The following CNTNAP2 variants were observed in gnomAD, a reference collection of about 807,000 sequenced individuals.
CNTNAP2 encodes the protein contactin associated protein 2, also known as contactin-associated protein-like 2.
Under a neutral mutation model 155.2 loss-of-function variants are expected in CNTNAP2, and 98 were observed. The observed-to-expected ratio is 0.63, with a 90% confidence interval of 0.54 to 0.75. The LOEUF is 0.75. Ranked by LOEUF, CNTNAP2 falls within the 30% of genes least tolerant of loss-of-function variation. The probability of loss-of-function intolerance (pLI) is 0.00; values close to 1 mark genes in which losing one functional copy is unlikely to be tolerated. For synonymous variants in CNTNAP2, 651 were observed against 631.2 expected (o/e 1.03, Z -0.47); for missense variants, 1,727 against 1,688.1 (o/e 1.02, Z -0.40).
At position 146,192,072 on chromosome 7, in the gene CNTNAP2, G is replaced by GT. The variant is rs995851910; in HGVS notation, c.97+75100dup. On this transcript the variant is annotated intron_variant, in intron 1 of 23. Transcript: ENST00000361727. Reference sequence around the variant, plus strand: ...GTTCAGAGATTGCAGAAAGACAGGTGTAAGAAATTATAAAAGTATTAATTT... The same window carrying GT: ...GTTCAGAGATTGCAGAAAGACAGGTGTTAAGAAATTATAAAAGTATTAATTT... Among the ~76,000 whole-genome samples the GT allele has an allele frequency of 5.1e-4, 77 of 152,156 alleles. 2 individuals are homozygous for GT. Among genetic ancestry groups the GT allele is most frequent in the Non-Finnish European group, 1.8e-4 (12 of 68,036 alleles).
At chr7:147,646,125 T>TTTGTTG (rs370877692) in intron 13 of CNTNAP2, among the ~76,000 whole-genome samples, 2 of 151,936 alleles carry the variant, frequency 1.3e-5, no homozygotes, top group Non-Finnish European at 2.9e-5. Context: ...TGAGAGAAAG[T>TTTGTTG]TTGTTGTTGT....
chr7:148,411,555 C>T (rs531340829), intron 23 of CNTNAP2, among the ~76,000 whole-genome samples: 3 of 152,162 alleles, frequency 2.0e-5, no homozygotes, highest in African/African-American at 4.8e-5. Flanking sequence ...TGTGAGCCAC[C>T]GTGCCCGGCC....
intron 14 of CNTNAP2, among the ~76,000 whole-genome samples, chr7:147,910,965 A>G (rs995041498): frequency 3.3e-5 from 5 of 152,238 alleles, no homozygotes; most frequent in African/African-American, 9.6e-5. Flanking sequence ...GTAAATACAC[A>G]TAAAATGAAC....
At chr7:146,668,067 A>AT (rs1800229837) in intron 1 of CNTNAP2, among the ~76,000 whole-genome samples, 2 of 151,958 alleles carry the variant, frequency 1.3e-5, no homozygotes, top group African/African-American at 4.8e-5. Flanking sequence ...AGAGGAAAAG[A>AT]TTTTAGCTTT....
chr7:147,339,083 G>A (rs1306921530), intron 9 of CNTNAP2, among the ~76,000 whole-genome samples: 1 of 152,038 alleles, frequency 6.6e-6, no homozygotes, highest in African/African-American at 2.4e-5. Context: ...TCATTGAAAT[G>A]TCTACTTTGA....
chr7:148,158,103 T>G (rs556305522), intron 17 of CNTNAP2, among the ~76,000 whole-genome samples: 1 of 152,288 alleles, frequency 6.6e-6, no homozygotes, highest in East Asian at 1.9e-4. Context: ...ACAGTTGCCA[T>G]GTATGTTTTC....
At position 148,415,947 on chromosome 7, in the gene CNTNAP2, C is replaced by T. The variant is rs1478848604; in HGVS notation, c.*331C>T. ...GAGGTGTTCTAAAGACCCGTGGTAA[C>T]AGGGCAAGTTTTCTACGTTTTTAAG... On this transcript the variant is annotated 3_prime_UTR_variant, in exon 24 of 24. Coordinates refer to ENST00000361727, the MANE Select transcript of CNTNAP2 (RefSeq NM_014141.6). 1 of 336,370 alleles carries T rather than the reference C, an allele frequency of 3.0e-6. No homozygotes were observed. The highest frequency in any genetic ancestry group is 5.4e-6 in the Non-Finnish European group (1 of 185,440). 20.8% of individuals were successfully genotyped at this position (336,370 alleles called of 1,614,324 possible).
chr7:146,550,048 C>T (rs1798091574), intron 1 of CNTNAP2, among the ~76,000 whole-genome samples: 1 of 151,986 alleles, frequency 6.6e-6, no homozygotes, highest in African/African-American at 2.4e-5. Context: ...TAAAAAGCTC[C>T]AGTCAAAAGC....
intron 15 of CNTNAP2, among the ~76,000 whole-genome samples, chr7:148,030,881 T>G (rs1283183261): frequency 6.6e-6 from 1 of 152,086 alleles, no homozygotes; most frequent in Non-Finnish European, 1.5e-5. Context: ...AGGAAATAAG[T>G]GGATGGAATC....
intron 21 of CNTNAP2, among the ~76,000 whole-genome samples, chr7:148,351,467 A>G (rs537132940): frequency 2.6e-5 from 4 of 152,098 alleles, no homozygotes; most frequent in Admixed American, 6.6e-5. Flanking sequence ...AACCCAGGCC[A>G]GGCACAGTGG....
chr7:147,143,863 A>G lies in CNTNAP2; in HGVS notation c.1348+11354A>G, dbSNP rs1035430933. Among the ~76,000 whole-genome samples the G allele has an allele frequency of 1.1e-4, 16 of 152,222 alleles. 1 individual carries two copies. Among genetic ancestry groups the G allele is most frequent in the Admixed American group, 1.0e-3 (16 of 15,270 alleles). ...CGTGTATACATTTGCCAGAAAATGT[A>G]TTCTCAGGAGCATGACGTGAAGTAA... is the stretch of plus-strand genomic sequence containing the variant. On this transcript the variant is annotated intron_variant, in intron 8 of 23. Coordinates refer to ENST00000361727, the MANE Select transcript of CNTNAP2 (RefSeq NM_014141.6).
intron 2 of CNTNAP2, among the ~76,000 whole-genome samples, chr7:146,826,445 G>A (rs946264856): frequency 6.6e-6 from 1 of 151,950 alleles, no homozygotes; most frequent in African/African-American, 2.4e-5. Flanking sequence ...CAGCTTCCCG[G>A]GTCCCTTTGA....
At chr7:146,195,507 C>T (rs187099485) in intron 1 of CNTNAP2, among the ~76,000 whole-genome samples, 11 of 152,296 alleles carry the variant, frequency 7.2e-5, no homozygotes, top group African/African-American at 2.6e-4. Context: ...CCCTCTGCTT[C>T]CAATTGCTCT....
intron 12 of CNTNAP2, among the ~76,000 whole-genome samples, chr7:147,588,706 A>G (rs960574648): frequency 6.6e-6 from 1 of 152,176 alleles, no homozygotes; most frequent in Non-Finnish European, 1.5e-5. Flanking sequence ...CTGATGCCAA[A>G]AGAGAGGCAT....
rs547092886 is a variant in CNTNAP2, at chr7:146,650,167, C to A, written c.98-124104C>A. Among the ~76,000 whole-genome samples the A allele has an allele frequency of 3.8e-3, 572 of 152,152 alleles. 4 individuals carry two copies. The highest frequency in any genetic ancestry group is 0.017 in the Middle Eastern group (5 of 294). On this transcript the variant is annotated intron_variant, in intron 1 of 23. Coordinates refer to ENST00000361727, the MANE Select transcript of CNTNAP2 (RefSeq NM_014141.6). ...CCTCAAGGATCTAGAACCAGAAATA[C>A]CATTTGACCCAGCAATCCCATTACT...
At chr7:146,468,281 T>C (rs1429724989) in intron 1 of CNTNAP2, among the ~76,000 whole-genome samples, 1 of 152,084 alleles carries the variant, frequency 6.6e-6, no homozygotes, top group African/African-American at 2.4e-5. Context: ...TGACGACTAC[T>C]AGAGCAGGGA....
intron 4 of CNTNAP2, among the ~76,000 whole-genome samples, chr7:147,059,399 A>G (rs543757317): frequency 6.6e-6 from 1 of 151,582 alleles, no homozygotes; most frequent in South Asian, 2.1e-4. Context: ...AGTCTTGAGC[A>G]CAAAACTGGG....
At chr7:147,963,985 A>G (rs890876402) in intron 14 of CNTNAP2, among the ~76,000 whole-genome samples, 4 of 152,120 alleles carry the variant, frequency 2.6e-5, no homozygotes, top group African/African-American at 4.8e-5. Flanking sequence ...TGAAAAACTC[A>G]TCTATTAAGC....
chr7:146,134,118 G>C (rs918916680), intron 1 of CNTNAP2, among the ~76,000 whole-genome samples: 20 of 150,980 alleles, frequency 1.3e-4, no homozygotes, highest in African/African-American at 4.6e-4. Context: ...TCTCCTTGAA[G>C]AGGTCCTTCA....
Sources: allele counts gnomAD v4.1 joint callset (sites outside exome capture counted in the v4.1 genomes callset), GRCh38; gene constraint gnomAD v4.1.1; transcripts MANE v1.5; gene names NCBI Gene and HGNC (gene_info 2026-07-23, HGNC 2026-07-21).